Variants in ASXL1 observed in about 807,000 individuals in gnomAD.
ASXL1 encodes the protein polycomb group protein ASXL1.
ASXL1 carries 65 observed loss-of-function variants against 89.1 expected under a neutral mutation model. The ratio of observed to expected loss-of-function variants is 0.73; its 90% CI spans 0.60 to 0.90. The LOEUF is 0.90. Among genes scored for constraint, ASXL1 ranks in the 40% least tolerant of loss-of-function variants. The probability of loss-of-function intolerance (pLI) is 0.00; values close to 1 mark genes in which losing one functional copy is unlikely to be tolerated. For synonymous variants in ASXL1, 739 were observed against 746.9 expected (o/e 0.99, Z 0.17); for missense variants, 1,786 against 1,942.9 (o/e 0.92, Z 1.52).
In ASXL1 at chr20:32,361,036, C is replaced by T. The variant is rs148157126; in HGVS notation, c.57+2204C>T. Among the ~76,000 whole-genome samples the T allele has an allele frequency of 5.3e-3, 810 of 151,994 alleles. 3 individuals carry two copies. The highest frequency in any genetic ancestry group is 8.4e-3 in the Non-Finnish European group (568 of 67,980). On this transcript the variant is annotated intron_variant, in intron 1 of 12. Coordinates refer to ENST00000375687, the MANE Select transcript of ASXL1 (RefSeq NM_015338.6). ...TGCTGGGATTACAGGCGTGAGCCAC[C>T]GCGCCCAGCCTATGAGTAGGAATTA...
In ASXL1 at chr20:32,381,459, C is replaced by T. The variant is rs147470985; in HGVS notation, c.252+12336C>T. Among the ~76,000 whole-genome samples the T allele has an allele frequency of 9.5e-3, 1,444 of 152,054 alleles. 11 individuals are homozygous for T. The highest frequency in any genetic ancestry group is 0.016 in the Non-Finnish European group (1,061 of 68,004). ...TCAAGTGATCCACCTGCCTCAGCCTCCCAAAATGCTGAGATTATAGGTGTG... is the reference window on the plus strand; with the variant it reads ...TCAAGTGATCCACCTGCCTCAGCCTTCCAAAATGCTGAGATTATAGGTGTG... On this transcript the variant is annotated intron_variant, in intron 4 of 12. Coordinates refer to ENST00000375687, the MANE Select transcript of ASXL1 (RefSeq NM_015338.6).
chr20:32,373,219 A>C (rs1448030530), intron 4 of ASXL1, among the ~76,000 whole-genome samples: 1 of 151,478 alleles, frequency 6.6e-6, no homozygotes, highest in Non-Finnish European at 1.5e-5. Context: ...TCTACGAAAA[A>C]TACAAAAATT....
intron 4 of ASXL1, 137 bp from the exon 5 acceptor site, chr20:32,427,991 A>T: frequency 1.6e-6 from 2 of 1,234,926 alleles, no homozygotes; most frequent in Non-Finnish European, 2.3e-6. Flanking sequence ...GCTGAGAAAA[A>T]GGTCAGTTAG....
At chr20:32,430,078 C>G (rs1218673304) in intron 8 of ASXL1, 25 bp downstream of exon 8, 1 of 1,599,460 alleles carries the variant, frequency 6.3e-7, no homozygotes, top group Admixed American at 1.7e-5. Flanking sequence ...ACTTATTTCT[C>G]TGCCTGTAAA....
Position 32,434,891 on chromosome 20 carries a change from GA to G in ASXL1, c.2180del (p.Glu727GlyfsTer17). On this transcript the variant is annotated frameshift_variant, in exon 13 of 13. Coordinates refer to ENST00000375687, the MANE Select transcript of ASXL1 (RefSeq NM_015338.6). LOFTEE classifies it low-confidence loss of function (END_TRUNC). The part of the protein sequence containing the change: ...RREDLPSLRK[E>X]ESCLLQRATV... ...AGAGGACCTGCCTTCTCTGAGAAAG[GA>G]GGAAAGCTGCCTACTACAGAGGGCT... 6.2e-7 allele frequency: 1 copy of G among 1,614,188 alleles called. No individual in the cohort carries two copies. The highest frequency in any genetic ancestry group is 8.5e-7 in the Non-Finnish European group (1 of 1,180,026).
At position 32,369,133 on chromosome 20, in the gene ASXL1, AT is replaced by A. The variant is rs758156686; in HGVS notation, c.252+11del. ...CCTTTTCACGCTCAAGGTAAGTGATATGAACTCTCTTTTGGTGCAGTGATTC... is the reference window on the plus strand; with the variant it reads ...CCTTTTCACGCTCAAGGTAAGTGATAGAACTCTCTTTTGGTGCAGTGATTC... On this transcript the variant is annotated intron_variant, in intron 4 of 12. Coordinates refer to ENST00000375687, the MANE Select transcript of ASXL1 (RefSeq NM_015338.6). 274 of 1,589,850 alleles carry A rather than the reference AT, an allele frequency of 1.7e-4. 1 individual carries two copies. In the Admixed American group the frequency reaches 4.5e-3, roughly 26 times the overall value.
chr20:32,426,240 G>A (rs1260174806), intron 4 of ASXL1, among the ~76,000 whole-genome samples: 1 of 152,052 alleles, frequency 6.6e-6, no homozygotes, highest in East Asian at 1.9e-4. Flanking sequence ...ATAGTTTTCC[G>A]TTGGCAGCAT....
Position 32,399,744 on chromosome 20 carries a change from ACT to A in ASXL1, c.253-28381_253-28380del, listed in dbSNP as rs1600525622. Among the ~76,000 whole-genome samples, 7 of 39,872 alleles carry A rather than the reference ACT, an allele frequency of 1.8e-4. 1 individual carries two copies. Among genetic ancestry groups the A allele is most frequent in the South Asian group, 1.5e-3 (2 of 1,350 alleles). 26.2% of individuals were successfully genotyped at this position (39,872 alleles called of 152,430 possible). ...CATTTTTAAAAATCTCACATATTTT[ACT>A]CTTTTTTTTTTTTTTTTTTTTTTTT... On this transcript the variant is annotated intron_variant, in intron 4 of 12. Transcript: ENST00000375687.
rs760344634 is a variant in ASXL1 at position 32,429,941 on chromosome 20, G to T, written c.606G>T (p.Pro202=). The stretch of plus-strand genomic sequence containing the variant: ...ACGCCGATGGCGAGAGCGGCAGCCC[G>T]TCCAGCAGCAGCAGCGGCTCTCTGG... ...GCHADGESGS[P]SSSSSGSLAL... The change falls in exon 8 of 13, where the codon CCG becomes CCT. Residue 202 remains proline (P), a synonymous_variant. Coordinates refer to ENST00000375687, the MANE Select transcript of ASXL1 (RefSeq NM_015338.6). This position sits in a 1 kb window ranked among gnomAD's most constrained non-coding sequence, Gnocchi z 4.9. 1 of 1,608,442 alleles carries T rather than the reference G, an allele frequency of 6.2e-7. No homozygotes were observed. Among genetic ancestry groups the T allele is most frequent in the South Asian group, 1.1e-5 (1 of 90,970 alleles).
chr20:32,427,416 T>C (rs1399526501), intron 4 of ASXL1: 1 of 153,496 alleles, frequency 6.5e-6, no homozygotes, highest in African/African-American at 2.4e-5. Context: ...GTAGTTAATA[T>C]TCTTCAGTGA....
intron 4 of ASXL1, among the ~76,000 whole-genome samples, chr20:32,394,498 G>C (rs1308832288): frequency 6.6e-6 from 1 of 152,078 alleles, no homozygotes; most frequent in Non-Finnish European, 1.5e-5. Context: ...TTAGTACTTT[G>C]TTATTTTAGT....
At chr20:32,433,177 A>G (rs1215968821) in intron 11 of ASXL1, 107 bp from the exon 12 acceptor site, 1 of 1,562,684 alleles carries the variant, frequency 6.4e-7, no homozygotes, top group Non-Finnish European at 8.7e-7. Context: ...CACCACACAG[A>G]TTTATTTTGT....
At chr20:32,433,197 T>C (rs1318174418) in intron 11 of ASXL1, 87 bp from the exon 12 acceptor site, 1 of 1,588,366 alleles carries the variant, frequency 6.3e-7, no homozygotes, top group Non-Finnish European at 8.6e-7. Context: ...TTCTGAGATA[T>C]CTGTGTTTCT....
intron 10 of ASXL1, 77 bp downstream of exon 10, chr20:32,431,756 C>T (rs2011522621): frequency 7.0e-7 from 1 of 1,432,980 alleles, no homozygotes; most frequent in South Asian, 1.2e-5. Flanking sequence ...GTATTTAAAA[C>T]CCAAGCTCGC....
In ASXL1 at chr20:32,432,974, C is replaced by CT; in HGVS notation, c.1075dup (p.Tyr359LeufsTer23). The CT allele has an allele frequency of 6.2e-7, 1 of 1,613,864 alleles. No individual in the cohort carries two copies. Among genetic ancestry groups the CT allele is most frequent in the Non-Finnish European group, 8.5e-7 (1 of 1,180,022 alleles). On this transcript the variant is annotated frameshift_variant, in exon 11 of 13. Transcript: ENST00000375687. LOFTEE classifies it high-confidence loss of function. Reference sequence around the variant, plus strand: ...GGAAAGAAAAGTTCTTTGAAGACTACTATGGACAGAAGTAAGGCAGTTGGA... The same window carrying CT: ...GGAAAGAAAAGTTCTTTGAAGACTACTTATGGACAGAAGTAAGGCAGTTGGA...
intron 8 of ASXL1, 105 bp downstream of exon 8, chr20:32,430,158 T>C: frequency 7.1e-7 from 1 of 1,401,724 alleles, no homozygotes; most frequent in Non-Finnish European, 9.4e-7. Flanking sequence ...TTATTTTTAC[T>C]TCTTGGGTGG....
At chr20:32,391,997 G>T in intron 4 of ASXL1, among the ~76,000 whole-genome samples, 1 of 150,910 alleles carries the variant, frequency 6.6e-6, no homozygotes. Context: ...CTTTTACTTG[G>T]GATGCTTGGA....
intron 1 of ASXL1, chr20:32,360,909 G>A (rs959196619): frequency 1.3e-5 from 2 of 152,680 alleles, no homozygotes; most frequent in African/African-American, 2.4e-5. Flanking sequence ...CACCACACCC[G>A]GCTAATTTTT....
intron 4 of ASXL1, among the ~76,000 whole-genome samples, chr20:32,407,228 C>T (rs1261656851): frequency 6.6e-6 from 1 of 151,732 alleles, no homozygotes; most frequent in Non-Finnish European, 1.5e-5. Flanking sequence ...CCTGTAATTC[C>T]AGCTACTCAG....
Sources: gnomAD v4.1 joint callset for allele counts (sites outside exome capture counted in the v4.1 genomes callset) on GRCh38, gnomAD v4.1.1 for gene constraint, Gnocchi (gnomAD v3.1) non-coding constraint, MANE v1.5 for transcripts, NCBI Gene and HGNC (gene_info 2026-07-23, HGNC 2026-07-21) for gene names.